WRAP53: variants seen among roughly 807,000 people sequenced by gnomAD.
WRAP53 encodes the protein telomerase Cajal body protein 1.
A neutral mutation model predicts 56.6 loss-of-function variants in WRAP53; 28 were observed. The ratio of observed to expected loss-of-function variants is 0.50; its 90% CI spans 0.37 to 0.68. The LOEUF (loss-of-function observed/expected upper bound fraction) is 0.68, where lower values mean the gene tolerates loss of function less well. Ranked by LOEUF, WRAP53 falls within the 30% of genes least tolerant of loss-of-function variation. WRAP53 has a pLI of 0.00. For synonymous variants in WRAP53, 283 were observed against 283.4 expected, an observed-to-expected ratio of 1.00 and a Z score of 0.01; for missense variants, 671 against 715.5, an observed-to-expected ratio of 0.94 and a Z score of 0.71.
intron 4 of WRAP53, among the ~76,000 whole-genome samples, chr17:7,699,522 T>TAAA (rs1567577715): frequency 1.4e-4 from 2 of 14,110 alleles, no homozygotes; most frequent in African/African-American, 7.0e-4. Context: ...ATATATATAT[T>TAAA]TATATATATA....
intron 4 of WRAP53, among the ~76,000 whole-genome samples, chr17:7,699,458 TTATATATATATATATATTTA>T (rs1567577216): frequency 0.21 from 8,199 of 39,708 alleles, 1,104 homozygotes; most frequent in Middle Eastern, 0.26. Flanking sequence ...ATATATATAT[TTATATATATATATATATTTA>T]TATATATATA....
chr17:7,689,692 T>C lies in WRAP53; in HGVS notation c.633T>C (p.Tyr211=). Reference sequence around the variant, plus strand: ...ACCATGAGGGGGAGCAGGTGGAATATGCAGAAATGGTAAGGACTGGGGCTA... The same window carrying C: ...ACCATGAGGGGGAGCAGGTGGAATACGCAGAAATGGTAAGGACTGGGGCTA... ...ELYHEGEQVE[Y]AEMVPVLRMV... is the part of the protein sequence containing the mutation. Residue 211 remains tyrosine, a synonymous_variant, in exon 4 of 11, where the codon TAT becomes TAC. Coordinates refer to ENST00000396463, the MANE Select transcript of WRAP53 (RefSeq NM_001143992.2). 1 of 1,613,788 alleles carries C rather than the reference T, an allele frequency of 6.2e-7. No homozygotes were observed. Among genetic ancestry groups the C allele is most frequent in the Non-Finnish European group, 8.5e-7 (1 of 1,179,678 alleles).
chr17:7,693,724 A>T (rs2074144586), intron 4 of WRAP53, among the ~76,000 whole-genome samples: 1 of 152,190 alleles, frequency 6.6e-6, no homozygotes, highest in Admixed American at 6.5e-5. Flanking sequence ...TCTCAAAAAA[A>T]AATAATAAAA....
upstream of WRAP53, chr17:7,688,193 CG>C (rs17551157): frequency 5.5e-6 from 1 of 182,638 alleles, no homozygotes; most frequent in Non-Finnish European, 1.2e-5. Context: ...CTGCAGGCGG[CG>C]GGGGGGCGGT....
intron 4 of WRAP53, among the ~76,000 whole-genome samples, chr17:7,692,370 A>T (rs1426745229): frequency 6.6e-6 from 1 of 151,722 alleles, no homozygotes; most frequent in African/African-American, 2.4e-5. Context: ...CTGTAATCCC[A>T]GCACTTTGGG....
chr17:7,696,582 G>C (rs2074189412), intron 4 of WRAP53, among the ~76,000 whole-genome samples: 1 of 152,218 alleles, frequency 6.6e-6, no homozygotes, highest in Admixed American at 6.5e-5. Flanking sequence ...ACTGGCGTGA[G>C]CCACTGCGCC....
At chr17:7,695,827 C>T (rs1247136790) in intron 4 of WRAP53, among the ~76,000 whole-genome samples, 2 of 152,158 alleles carry the variant, frequency 1.3e-5, no homozygotes, top group East Asian at 3.8e-4. Context: ...CTAATCCACC[C>T]ACATCTGTCC....
chr17:7,702,210 G>T lies in WRAP53; in HGVS notation c.956-134G>T. On this transcript the variant is annotated intron_variant, in intron 7 of 10. Transcript: ENST00000396463. The surrounding 1 kb of genome is among the most constrained non-coding windows in gnomAD (Gnocchi z 5.0). ...GGGGAGCATCAGAGGTCTTTGTCCT[G>T]CTTGTGACAGACAGCATGGGGGGGA... The T allele has an allele frequency of 1.0e-6, 1 of 978,484 alleles. No homozygotes were observed. The highest frequency in any genetic ancestry group is 2.0e-5 in the Admixed American group (1 of 50,528). The allele number at this position is 978,484 out of a possible 1,614,324, so 60.6% of individuals were successfully genotyped here.
Position 7,702,981 on chromosome 17 carries a change from T to A in WRAP53, c.1269-12T>A. ...GAGGCCTCTGCCAGCAAATCTCTCC[T>A]CTCTCTCGCAGGACCGGGCAGTTCC... On this transcript the variant is annotated splice_polypyrimidine_tract_variant and intron_variant, in intron 9 of 10. Coordinates refer to ENST00000396463, the MANE Select transcript of WRAP53 (RefSeq NM_001143992.2). The surrounding 1 kb of genome is among the most constrained non-coding windows in gnomAD (Gnocchi z 5.0). 6.2e-7 allele frequency: 1 copy of A among 1,613,474 alleles called. No homozygotes were observed. The highest frequency in any genetic ancestry group is 8.5e-7 in the Non-Finnish European group (1 of 1,180,004).
chr17:7,702,150 G>T lies in WRAP53; in HGVS notation c.956-194G>T. On this transcript the variant is annotated intron_variant, in intron 7 of 10. Transcript: ENST00000396463. The surrounding 1 kb of genome is among the most constrained non-coding windows in gnomAD (Gnocchi z 5.0). ...TGGGATTTGAGAGGGATGAAGTGGG[G>T]CTTGGGCATTTAGGTCCTTTGGGAG... 1 of 713,140 alleles carries T rather than the reference G, an allele frequency of 1.4e-6. No individual in the cohort carries two copies. The highest frequency in any genetic ancestry group is 2.4e-6 in the Non-Finnish European group (1 of 410,808). 44.2% of individuals were successfully genotyped at this position (713,140 alleles called of 1,614,324 possible).
rs779492288 is a variant in WRAP53, at chr17:7,701,400, C to T, written c.732-59C>T. 42 of 1,586,122 alleles carry T rather than the reference C, an allele frequency of 2.6e-5. No individual in the cohort carries two copies. In the South Asian group the frequency reaches 3.5e-4, roughly 13 times the overall value. ...GATTACAGGCATGAGCCACTGTGCC[C>T]GGCCATTCCTCCCCTTCCTTTGACA... On this transcript the variant is annotated intron_variant, in intron 5 of 10. Transcript: ENST00000396463. This position sits in a 1 kb window ranked among gnomAD's most constrained non-coding sequence, Gnocchi z 4.2.
rs1187205833 is a variant in WRAP53, at chr17:7,703,468, T to C, written c.1629T>C (p.Gly543=). 1 of 1,605,310 alleles carries C rather than the reference T, an allele frequency of 6.2e-7. No homozygotes were observed. The highest frequency in any genetic ancestry group is 1.1e-5 in the South Asian group (1 of 90,688). Residue 543 remains glycine, a synonymous_variant, in exon 11 of 11, where the codon GGT becomes GGC. Transcript: ENST00000396463. ...AAGGGCAGGGAGGAACGGAGGGAGG[T>C]GTGGGTGAGCTGATATAAAAAGGTT... The part of the protein sequence containing the change: ...GEKGQGGTEG[G]VGELI
intron 4 of WRAP53, among the ~76,000 whole-genome samples, chr17:7,697,971 A>C (rs2074209017): frequency 6.6e-6 from 1 of 151,882 alleles, no homozygotes; most frequent in Non-Finnish European, 1.5e-5. Flanking sequence ...GGGGTCAAGC[A>C]GTCCTCCTGC....
chr17:7,700,737 A>C lies in WRAP53; in HGVS notation c.643-4A>C, dbSNP rs770005848. On this transcript the variant is annotated splice_polypyrimidine_tract_variant and splice_region_variant and intron_variant, in intron 4 of 10. Transcript: ENST00000396463. Reference sequence around the variant, plus strand: ...GACTCAGCCATTCCCCCGTCTCTGTATAGGTCCCTGTCCTTCGAATGGTGG... The same window carrying C: ...GACTCAGCCATTCCCCCGTCTCTGTCTAGGTCCCTGTCCTTCGAATGGTGG... 2 of 1,609,356 alleles carry C rather than the reference A, an allele frequency of 1.2e-6. No homozygotes were observed. The highest frequency in any genetic ancestry group is 1.7e-6 in the Non-Finnish European group (2 of 1,176,156).
At position 7,701,917 on chromosome 17, in the gene WRAP53, C is replaced by T. The variant is rs1017881973; in HGVS notation, c.955+128C>T. ...CTCTGTACGGCCCCGGGAGCAGGTG[C>T]AGCCCAGTCGGCAGAGGAGCAAACA... On this transcript the variant is annotated intron_variant, in intron 7 of 10. Transcript: ENST00000396463. The surrounding 1 kb of genome is among the most constrained non-coding windows in gnomAD (Gnocchi z 4.2). The T allele has an allele frequency of 4.1e-6, 6 of 1,473,598 alleles. No homozygotes were observed. 91.3% of individuals were successfully genotyped at this position (1,473,598 alleles called of 1,614,324 possible).
At position 7,688,559 on chromosome 17, in the gene WRAP53, C is replaced by A. The variant is rs932258006; in HGVS notation, c.-4C>A. 2 of 1,422,728 alleles carry A rather than the reference C, an allele frequency of 1.4e-6. No individual in the cohort carries two copies. Among genetic ancestry groups the A allele is most frequent in the Non-Finnish European group, 1.9e-6 (2 of 1,034,808 alleles). 88.1% of individuals were successfully genotyped at this position (1,422,728 alleles called of 1,614,324 possible). On this transcript the variant is annotated splice_region_variant and 5_prime_UTR_variant, in exon 1 of 11. Transcript: ENST00000396463. ...CTACTCCCAGAAGAGGAGGGAAGCA[C>A]AGGTGGGTTTCTTTAGCTCTGCGTC...
At chr17:7,687,712 G>C, upstream of WRAP53, 1 of 397,778 alleles carries the variant, frequency 2.5e-6, no homozygotes, top group Non-Finnish European at 4.4e-6. Flanking sequence ...TTTTGGGGTG[G>C]AAAATTCTGC....
At position 7,689,091 on chromosome 17, in the gene WRAP53, T is replaced by C. The variant is rs2074066552; in HGVS notation, c.431+12T>C. 3 of 1,614,014 alleles carry C rather than the reference T, an allele frequency of 1.9e-6. No homozygotes were observed. The highest frequency in any genetic ancestry group is 1.3e-5 in the African/African-American group (1 of 74,922). On this transcript the variant is annotated intron_variant, in intron 2 of 10. Transcript: ENST00000396463. ...GACGAGGGAGACACGTAAGTGGTGA[T>C]GGCAGTGGAGTGTGGAGTCTGGGGA...
chr17:7,693,079 C>G (rs866367250), intron 4 of WRAP53, among the ~76,000 whole-genome samples: 1 of 152,178 alleles, frequency 6.6e-6, no homozygotes, highest in Middle Eastern at 3.4e-3. Flanking sequence ...CACTGCATCT[C>G]TTAGCAGCAT....
Sources: gnomAD v4.1 joint callset for allele counts (sites outside exome capture counted in the v4.1 genomes callset) on GRCh38, gnomAD v4.1.1 for gene constraint, Gnocchi (gnomAD v3.1) non-coding constraint, MANE v1.5 for transcripts, NCBI Gene and HGNC (gene_info 2026-07-23, HGNC 2026-07-21) for gene names.